PI3: variants seen among roughly 807,000 people sequenced by gnomAD.
PI3 encodes the protein elafin.
PI3 carries 4 observed loss-of-function variants against 6.0 expected under a neutral mutation model. The ratio of observed to expected loss-of-function variants is 0.67; its 90% CI spans 0.33 to 1.54. PI3 has a LOEUF of 1.54. PI3 is among the 40% of genes most tolerant of loss of function. The probability of loss-of-function intolerance (pLI) is 0.06; values close to 1 mark genes in which losing one functional copy is unlikely to be tolerated. For synonymous variants in PI3, 58 were observed against 56.9 expected (o/e 1.02, Z -0.09); for missense variants, 149 against 147.6 (o/e 1.01, Z -0.05).
intron 1 of PI3, among the ~76,000 whole-genome samples, chr20:45,175,594 C>A (rs1982773699): frequency 6.6e-6 from 1 of 152,180 alleles, no homozygotes; most frequent in Non-Finnish European, 1.5e-5. Flanking sequence ...CTGGGTGTCA[C>A]CCCAGTCTGA....
chr20:45,175,340 C>T (rs536333468), intron 1 of PI3, among the ~76,000 whole-genome samples: 1 of 152,276 alleles, frequency 6.6e-6, no homozygotes, highest in African/African-American at 2.4e-5. Flanking sequence ...CGTTTCTCTG[C>T]CCCATAAAAG....
chr20:45,175,843 C>T lies in PI3; in HGVS notation c.80-18C>T, dbSNP rs369116209. 7.7e-5 allele frequency: 125 copies of T among 1,613,018 alleles called. 2 individuals carry two copies. The African/African-American group carries it at 9.5e-4, about 12-fold the overall frequency. ...GGCTTACTGGGTATAAATGTGGGCT[C>T]GTTTCTTCTTTTAACAGTTCCTGTT... is the stretch of plus-strand genomic sequence containing the variant. On this transcript the variant is annotated intron_variant, in intron 1 of 2. Coordinates refer to ENST00000243924, the MANE Select transcript of PI3 (RefSeq NM_002638.4).
rs1982792615 is a variant in PI3 at position 45,176,239 on chromosome 20, C to T, written c.*1+103C>T. ...GTGGGAGGGAGGTTGTGGGAGGTGA[C>T]AGAAAGACTGGGAGACTGAGGGGTC... On this transcript the variant is annotated intron_variant, in intron 2 of 2. Coordinates refer to ENST00000243924, the MANE Select transcript of PI3 (RefSeq NM_002638.4). 3 of 1,166,390 alleles carry T rather than the reference C, an allele frequency of 2.6e-6. No individual in the cohort carries two copies. The Admixed American group carries it at 5.9e-5, about 23-fold the overall frequency. The allele number at this position is 1,166,390 out of a possible 1,614,324, so 72.3% of individuals were successfully genotyped here. A position where few individuals can be genotyped will look rare whatever the true frequency, so the allele number is the denominator to read the frequency against.
intron 1 of PI3, among the ~76,000 whole-genome samples, chr20:45,175,209 G>A (rs1982766568): frequency 6.6e-6 from 1 of 152,180 alleles, no homozygotes; most frequent in Admixed American, 6.5e-5. Context: ...TGAGATATCA[G>A]GACTGTTTGT....
At position 45,174,957 on chromosome 20, in the gene PI3, T is replaced by C; in HGVS notation, c.35T>C (p.Phe12Ser). 1 of 1,613,388 alleles carries C rather than the reference T, an allele frequency of 6.2e-7. No homozygotes were observed. Among genetic ancestry groups the C allele is most frequent in the Non-Finnish European group, 8.5e-7 (1 of 1,179,530 alleles). ...AGCAGCTTCTTGATCGTGGTGGTGT[T>C]CCTCATCGCTGGGACGCTGGTTCTA... ...RASSFLIVVV[F>S]LIAGTLVLEA... Residue 12 changes from phenylalanine to serine, a missense_variant, in exon 1 of 3, where the codon TTC becomes TCC. Coordinates refer to ENST00000243924, the MANE Select transcript of PI3 (RefSeq NM_002638.4).
At chr20:45,175,448 A>C (rs1346791907) in intron 1 of PI3, among the ~76,000 whole-genome samples, 3 of 152,208 alleles carry the variant, frequency 2.0e-5, no homozygotes, top group Non-Finnish European at 4.4e-5. Context: ...AGGGAACCAA[A>C]AATGTAGAAA....
chr20:45,176,160 G>A (rs1182810955), intron 2 of PI3, 24 bp downstream of exon 2: 3 of 1,612,136 alleles, frequency 1.9e-6, no homozygotes, highest in Admixed American at 1.7e-5. Flanking sequence ...GGAGAACGAG[G>A]AGACCCCTGA....
chr20:45,175,624 TG>T (rs780701560), intron 1 of PI3, among the ~76,000 whole-genome samples: 18 of 152,238 alleles, frequency 1.2e-4, no homozygotes, highest in Non-Finnish European at 2.2e-4. Context: ...CTGAGAGACT[TG>T]GAGTGGAGGA....
Position 45,175,906 on chromosome 20 carries a change from A to C in PI3, c.125A>C (p.Asn42Thr). The C allele has an allele frequency of 6.2e-7, 1 of 1,614,132 alleles. No homozygotes were observed. The highest frequency in any genetic ancestry group is 8.5e-7 in the Non-Finnish European group (1 of 1,179,970). Residue 42 changes from asparagine (N) to threonine (T), a missense_variant, in exon 2 of 3, where the codon AAT becomes ACT. Physicochemically the swap from Asn to Thr is moderately conservative, Grantham distance 65 (BLOSUM62 0). Coordinates refer to ENST00000243924, the MANE Select transcript of PI3 (RefSeq NM_002638.4). ...ACTGTCAAAGGCCGTGTTCCATTCA[A>C]TGGACAAGATCCCGTTAAAGGACAA... ...QDTVKGRVPFNGQDPVKGQVS... is the reference protein window; with the variant it reads ...QDTVKGRVPFTGQDPVKGQVS...
rs1183665432 is a variant in PI3 at position 45,174,911 on chromosome 20, C to T, written c.-12C>T. ...ATGGCCTTAGCTCTTAGCCAAACAC[C>T]TTCCTGACACCATGAGGGCCAGCAG... is the stretch of plus-strand genomic sequence containing the variant. On this transcript the variant is annotated 5_prime_UTR_variant, in exon 1 of 3. Transcript: ENST00000243924. 6.2e-7 allele frequency: 1 copy of T among 1,609,326 alleles called. No homozygotes were observed. Among genetic ancestry groups the T allele is most frequent in the Non-Finnish European group, 8.5e-7 (1 of 1,176,972 alleles).
intron 1 of PI3, 112 bp from the exon 2 acceptor site, chr20:45,175,749 G>T: frequency 8.9e-7 from 1 of 1,123,798 alleles, no homozygotes; most frequent in South Asian, 1.4e-5. Context: ...TCAGGCCATG[G>T]TTTGAGGATG....
chr20:45,175,233 G>A (rs189761455), intron 1 of PI3, among the ~76,000 whole-genome samples: 1 of 152,304 alleles, frequency 6.6e-6, no homozygotes, highest in East Asian at 1.9e-4. Flanking sequence ...AGTAATGTTG[G>A]TATGTGGCCT....
rs531785039 is a variant in PI3 at position 45,174,919 on chromosome 20, C to T, written c.-4C>T. 7 of 1,610,866 alleles carry T rather than the reference C, an allele frequency of 4.3e-6. No homozygotes were observed. Among genetic ancestry groups the T allele is most frequent in the Non-Finnish European group, 5.9e-6 (7 of 1,178,052 alleles). On this transcript the variant is annotated 5_prime_UTR_variant, in exon 1 of 3. Coordinates refer to ENST00000243924, the MANE Select transcript of PI3 (RefSeq NM_002638.4). Reference sequence around the variant, plus strand: ...AGCTCTTAGCCAAACACCTTCCTGACACCATGAGGGCCAGCAGCTTCTTGA... The same window carrying T: ...AGCTCTTAGCCAAACACCTTCCTGATACCATGAGGGCCAGCAGCTTCTTGA...
Position 45,174,940 on chromosome 20 carries a change from C to A in PI3, c.18C>A (p.Phe6Leu). The A allele has an allele frequency of 6.2e-7, 1 of 1,613,150 alleles. No individual in the cohort carries two copies. The highest frequency in any genetic ancestry group is 8.5e-7 in the Non-Finnish European group (1 of 1,179,380). Residue 6 changes from phenylalanine (F) to leucine (L), a missense_variant, in exon 1 of 3, where the codon TTC becomes TTA. Coordinates refer to ENST00000243924, the MANE Select transcript of PI3 (RefSeq NM_002638.4). MRASS[F>L]LIVVVFLIAG... is the part of the protein sequence containing the mutation. ...CTGACACCATGAGGGCCAGCAGCTT[C>A]TTGATCGTGGTGGTGTTCCTCATCG...
chr20:45,175,499 G>T (rs1982771763), intron 1 of PI3, among the ~76,000 whole-genome samples: 1 of 152,148 alleles, frequency 6.6e-6, no homozygotes, highest in African/African-American at 2.4e-5. Flanking sequence ...AGCCAGGATG[G>T]GGCTCAAGTC....
chr20:45,175,819 G>T (rs200088569), intron 1 of PI3, 42 bp from the exon 2 acceptor site: 84 of 1,603,194 alleles, frequency 5.2e-5, no homozygotes, highest in Non-Finnish European at 2.1e-5. Flanking sequence ...TGAAGCAGAG[G>T]CTTACTGGGT....
intron 1 of PI3, 50 bp downstream of exon 1, chr20:45,175,051 T>G (rs756528904): frequency 1.4e-6 from 2 of 1,436,204 alleles, no homozygotes; most frequent in East Asian, 4.8e-5. Context: ...GGGGAGACCC[T>G]CTGGGACACC....
At position 45,174,973 on chromosome 20, in the gene PI3, G is replaced by C; in HGVS notation, c.51G>C (p.Thr17=). The C allele has an allele frequency of 6.2e-7, 1 of 1,612,938 alleles. No individual in the cohort carries two copies. Among genetic ancestry groups the C allele is most frequent in the Non-Finnish European group, 8.5e-7 (1 of 1,179,314 alleles). The part of the protein sequence containing the change: ...LIVVVFLIAG[T]LVLEAAVTGV... Reference sequence around the variant, plus strand: ...TGGTGGTGTTCCTCATCGCTGGGACGCTGGTTCTAGAGGCAGCTGTCACGG... The same window carrying C: ...TGGTGGTGTTCCTCATCGCTGGGACCCTGGTTCTAGAGGCAGCTGTCACGG... Residue 17 remains threonine, a synonymous_variant, in exon 1 of 3, where the codon ACG becomes ACC. Transcript: ENST00000243924.
intron 1 of PI3, among the ~76,000 whole-genome samples, chr20:45,175,427 A>G (rs538612082): frequency 2.0e-5 from 3 of 152,342 alleles, no homozygotes; most frequent in African/African-American, 7.2e-5. Context: ...GAGGACCCCC[A>G]TTTTATAAGG....
Sources: allele counts gnomAD v4.1 joint callset (sites outside exome capture counted in the v4.1 genomes callset), GRCh38; gene constraint gnomAD v4.1.1; transcripts MANE v1.5; gene names NCBI Gene and HGNC (gene_info 2026-07-23, HGNC 2026-07-21).